Variants in GPM6B observed in about 807,000 individuals in gnomAD.
GPM6B encodes glycoprotein M6B, also known as neuronal membrane glycoprotein M6-b.
GPM6B carries 4 observed loss-of-function variants against 27.2 expected under a neutral mutation model. The ratio of observed to expected loss-of-function variants is 0.15; its 90% CI spans 0.07 to 0.34. GPM6B has a LOEUF of 0.34. Ranked by LOEUF, GPM6B falls within the 10% of genes least tolerant of loss-of-function variation. The probability of loss-of-function intolerance (pLI) is 1.00; values close to 1 mark genes in which losing one functional copy is unlikely to be tolerated. For missense variants in GPM6B, 183 were observed against 261.9 expected (o/e 0.70, Z 2.08); for synonymous variants, 124 against 103.1 (o/e 1.20, Z -1.23).
intron 1 of GPM6B, among the ~76,000 whole-genome samples, chrX:13,850,732 C>T (rs183131557): frequency 1.5e-4 from 17 of 112,284 alleles, no homozygotes; most frequent in Admixed American, 1.3e-3. Flanking sequence ...CAATGGAAGA[C>T]GTCAATGAAA....
chrX:13,817,171 T>C, upstream of GPM6B: 1 of 916,294 alleles, frequency 1.1e-6, no homozygotes, highest in Non-Finnish European at 1.3e-6. Flanking sequence ...AAAACAGCCA[T>C]TCGGCGCCCG....
chrX:13,806,530 T>G (rs895075371), intron 2 of GPM6B, among the ~76,000 whole-genome samples: 6 of 111,980 alleles, frequency 5.4e-5, no homozygotes, highest in African/African-American at 1.9e-4. Context: ...AACCAACACC[T>G]GATAGCCATA....
intron 1 of GPM6B, among the ~76,000 whole-genome samples, chrX:13,865,559 A>AAAAAAAAAG (rs34662549): frequency 1.9e-5 from 1 of 52,926 alleles, no homozygotes; most frequent in African/African-American, 6.4e-5. Flanking sequence ...AAAAAAAAAA[A>AAAAAAAAAG]AAAGAAAGAA....
intron 1 of GPM6B, among the ~76,000 whole-genome samples, chrX:13,850,362 A>C (rs779512605): frequency 3.6e-5 from 4 of 112,409 alleles, no homozygotes; most frequent in South Asian, 7.4e-4. Context: ...CATGAGTGGA[A>C]GCTTCCTGAG....
At chrX:13,834,041 G>A (rs745599954) in intron 1 of GPM6B, among the ~76,000 whole-genome samples, 2 of 112,527 alleles carry the variant, frequency 1.8e-5, no homozygotes, top group African/African-American at 3.2e-5. Context: ...AAACTACAAC[G>A]AGAAGAATTT....
At chrX:13,865,242 T>C (rs780450958) in intron 1 of GPM6B, among the ~76,000 whole-genome samples, 6 of 110,684 alleles carry the variant, frequency 5.4e-5, no homozygotes, top group Non-Finnish European at 9.5e-5. Flanking sequence ...TGTCACTAAA[T>C]GCAAGTTCAA....
At chrX:13,917,502 T>A (rs933145978) in intron 1 of GPM6B, among the ~76,000 whole-genome samples, 2 of 112,244 alleles carry the variant, frequency 1.8e-5, no homozygotes, top group African/African-American at 6.5e-5. Context: ...CAGCCTGCCA[T>A]TTTAAGTACA....
At chrX:13,823,019 C>T (rs772843117) in intron 1 of GPM6B, among the ~76,000 whole-genome samples, 8 of 111,664 alleles carry the variant, frequency 7.2e-5, no homozygotes, top group Non-Finnish European at 1.3e-4. Context: ...CCTCCATTAC[C>T]GGAATTAAAT....
intron 1 of GPM6B, among the ~76,000 whole-genome samples, chrX:13,900,550 C>T (rs58046114): frequency 0.015 from 1,627 of 110,940 alleles, 29 homozygotes; most frequent in African/African-American, 0.05. Context: ...TGTATTCTGA[C>T]GTCATGTAGT....
intron 1 of GPM6B, among the ~76,000 whole-genome samples, chrX:13,858,560 T>C (rs751462342): frequency 4.7e-4 from 52 of 111,811 alleles, no homozygotes; most frequent in South Asian, 7.6e-4. Flanking sequence ...GGGAACACTC[T>C]GCAACCTTAT....
At chrX:13,936,785 A>C (rs888230106) in intron 1 of GPM6B, among the ~76,000 whole-genome samples, 2 of 112,347 alleles carry the variant, frequency 1.8e-5, no homozygotes, top group African/African-American at 3.2e-5. Flanking sequence ...CCTTTGCTTC[A>C]TGAGAACTGC....
chrX:13,801,097 T>G (rs1466347232), intron 2 of GPM6B, among the ~76,000 whole-genome samples: 2 of 109,552 alleles, frequency 1.8e-5, no homozygotes, highest in Non-Finnish European at 3.8e-5. Flanking sequence ...ACCACAAATA[T>G]CTTTTCTATA....
chrX:13,905,243 AAAAGAAAAG>A (rs1191693535), intron 1 of GPM6B, among the ~76,000 whole-genome samples: 1 of 106,267 alleles, frequency 9.4e-6, no homozygotes, highest in African/African-American at 3.5e-5. Context: ...AAAAAAAAAA[AAAAGAAAAG>A]AAAAGAAAAG....
chrX:13,853,658 T>C (rs1447994176), intron 1 of GPM6B, among the ~76,000 whole-genome samples: 5 of 105,830 alleles, frequency 4.7e-5, no homozygotes, highest in Non-Finnish European at 7.8e-5. Context: ...ACATGCAGAC[T>C]TCCTTATGCT....
chrX:13,773,043 GGTGAGCATGATGGCTA>G lies in GPM6B; in HGVS notation c.838-29_838-14del. On this transcript the variant is annotated splice_polypyrimidine_tract_variant and intron_variant, in intron 7 of 7. Transcript: ENST00000316715. ...TGAGGAAGTGGATCTGGAAGAGAAGGGTGAGCATGATGGCTAGTGAGCATTGTGAGAAGGCAAAGCG... is the reference window on the plus strand; with the variant it reads ...TGAGGAAGTGGATCTGGAAGAGAAGGGTGAGCATTGTGAGAAGGCAAAGCG... 2 of 1,204,949 alleles carry G rather than the reference GGTGAGCATGATGGCTA, an allele frequency of 1.7e-6. No individual in the cohort carries two copies. The highest frequency in any genetic ancestry group is 2.2e-6 in the Non-Finnish European group (2 of 889,993).
At chrX:13,820,826 G>T (rs1423956366), upstream of GPM6B, among the ~76,000 whole-genome samples, 3 of 111,433 alleles carry the variant, frequency 2.7e-5, no homozygotes, top group East Asian at 8.4e-4. Context: ...GCACATAGCG[G>T]GTTCTCAACA....
chrX:13,847,850 A>T (rs1297045674), intron 1 of GPM6B, among the ~76,000 whole-genome samples: 1 of 112,256 alleles, frequency 8.9e-6, no homozygotes, highest in Non-Finnish European at 1.9e-5. Context: ...CAAAGATCCT[A>T]AGGTTGGAAG....
At position 13,922,537 on chromosome X, in the gene GPM6B, G is replaced by A. The variant is rs908241938; in HGVS notation, c.-198+15790C>T. The stretch of plus-strand genomic sequence containing the variant: ...GAGACTGCCAGGCGGAAAGCCCAAC[G>A]CCTTCAAGCCTCCAACCAGGTCGAC... On this transcript the variant is annotated intron_variant, in intron 1 of 6. Coordinates refer to the GPM6B transcript ENST00000398361. Among the ~76,000 whole-genome samples the A allele has an allele frequency of 5.4e-5, 6 of 112,029 alleles. No homozygotes were observed. The South Asian group carries it at 2.2e-3, about 42-fold the overall frequency.
chrX:13,878,280 T>C (rs2147009867), intron 1 of GPM6B, among the ~76,000 whole-genome samples: 1 of 108,493 alleles, frequency 9.2e-6, no homozygotes. Context: ...TCCTCTCCCC[T>C]ACCCTTTCCA....
Sources: allele counts gnomAD v4.1 joint callset (sites outside exome capture counted in the v4.1 genomes callset), GRCh38; gene constraint gnomAD v4.1.1; transcripts MANE v1.5; gene names NCBI Gene and HGNC (gene_info 2026-07-23, HGNC 2026-07-21).